BTRC: variants seen among roughly 807,000 people sequenced by gnomAD.
BTRC encodes F-box/WD repeat-containing protein 1A.
In BTRC, 42 loss-of-function variants were observed where a neutral mutation model predicts 85.5. The ratio of observed to expected loss-of-function variants is 0.49; its 90% CI spans 0.38 to 0.64. The LOEUF (loss-of-function observed/expected upper bound fraction) is 0.64, where lower values mean the gene tolerates loss of function less well. BTRC is among the 30% of genes least tolerant of loss of function. The pLI, the probability that BTRC is intolerant of heterozygous loss-of-function variation, is 0.00. For missense variants in BTRC, 594 were observed against 743.5 expected, an observed-to-expected ratio of 0.80 and a Z score of 2.34; for synonymous variants, 255 against 263.3, an observed-to-expected ratio of 0.97 and a Z score of 0.30.
intron 1 of BTRC, among the ~76,000 whole-genome samples, chr10:101,419,302 C>T (rs532058789): frequency 3.9e-5 from 6 of 152,244 alleles, no homozygotes; most frequent in East Asian, 1.9e-4. Flanking sequence ...TGAACCACTT[C>T]GTCTGGCCAG....
chr10:101,435,520 A>G (rs1352143482), intron 2 of BTRC, among the ~76,000 whole-genome samples: 1 of 152,192 alleles, frequency 6.6e-6, no homozygotes, highest in Non-Finnish European at 1.5e-5. Context: ...CATGTTACGT[A>G]TATCAGTAGT....
chr10:101,535,808 C>T (rs2062376948), intron 11 of BTRC, among the ~76,000 whole-genome samples: 1 of 152,136 alleles, frequency 6.6e-6, no homozygotes, highest in African/African-American at 2.4e-5. Flanking sequence ...CATAATTGGC[C>T]AGAGAGTTAC....
At chr10:101,515,747 G>A (rs1371214934) in intron 4 of BTRC, among the ~76,000 whole-genome samples, 4 of 152,110 alleles carry the variant, frequency 2.6e-5, no homozygotes, top group Admixed American at 2.0e-4. Context: ...TCCTGACCTC[G>A]TGATCCGCCC....
At chr10:101,438,452 T>TAAAAAA (rs1944594980) in intron 2 of BTRC, among the ~76,000 whole-genome samples, 1 of 84,626 alleles carries the variant, frequency 1.2e-5, no homozygotes, top group Non-Finnish European at 2.5e-5. Context: ...AAAAAAAAAG[T>TAAAAAA]CTTCTCATTA....
chr10:101,491,057 T>G (rs1384515824), intron 4 of BTRC, among the ~76,000 whole-genome samples: 2 of 15,678 alleles, frequency 1.3e-4, no homozygotes, highest in African/African-American at 2.0e-4. Context: ...AGACTCTGTC[T>G]CAAAAAAAAA....
At chr10:101,458,059 G>A (rs754874015) in intron 2 of BTRC, among the ~76,000 whole-genome samples, 5 of 152,082 alleles carry the variant, frequency 3.3e-5, no homozygotes, top group Non-Finnish European at 5.9e-5. Flanking sequence ...GTTTCAGTGC[G>A]TGTTTCCAGA....
intron 1 of BTRC, among the ~76,000 whole-genome samples, chr10:101,373,556 G>T (rs1274307704): frequency 6.6e-6 from 1 of 152,138 alleles, no homozygotes; most frequent in Non-Finnish European, 1.5e-5. Flanking sequence ...TGTTTGGTGG[G>T]TGAAGATATT....
chr10:101,366,303 C>A (rs1171908571), intron 1 of BTRC, among the ~76,000 whole-genome samples: 1 of 151,276 alleles, frequency 6.6e-6, no homozygotes, highest in East Asian at 1.9e-4. Flanking sequence ...AGCATTGTTA[C>A]ATATAGGGGA....
intron 7 of BTRC, 81 bp from the exon 8 acceptor site, chr10:101,532,214 C>G: frequency 2.8e-6 from 4 of 1,439,512 alleles, no homozygotes; most frequent in Non-Finnish European, 2.8e-6. Context: ...AGCATTGAGC[C>G]ATTGATTGTC....
At chr10:101,388,751 A>G (rs1159311386) in intron 1 of BTRC, among the ~76,000 whole-genome samples, 4 of 152,202 alleles carry the variant, frequency 2.6e-5, no homozygotes, top group Admixed American at 1.3e-4. Flanking sequence ...TCAGCCTCTC[A>G]AAGTGCTGGG....
At chr10:101,504,809 ACTTCT>A (rs1279218904) in intron 4 of BTRC, among the ~76,000 whole-genome samples, 1 of 151,510 alleles carries the variant, frequency 6.6e-6, no homozygotes, top group Admixed American at 6.6e-5. Flanking sequence ...TCAGATCTTG[ACTTCT>A]CTAACAGCAA....
In BTRC at chr10:101,521,626, C is replaced by T; in HGVS notation, c.325-13C>T. 5 of 1,586,556 alleles carry T rather than the reference C, an allele frequency of 3.2e-6. No homozygotes were observed. In the South Asian group the frequency reaches 5.6e-5, roughly 18 times the overall value. ...ACTAATCATTTTATGTTTCTTTTAA[C>T]CCCCTTCTACAGACAAAACTTGCCA... On this transcript the variant is annotated splice_polypyrimidine_tract_variant and intron_variant, in intron 4 of 14. Coordinates refer to ENST00000370187, the MANE Select transcript of BTRC (RefSeq NM_033637.4).
At chr10:101,421,806 C>G (rs993858982) in intron 1 of BTRC, among the ~76,000 whole-genome samples, 1 of 151,798 alleles carries the variant, frequency 6.6e-6, no homozygotes, top group African/African-American at 2.4e-5. Flanking sequence ...TGAACTTATC[C>G]TTTTTTATGG....
chr10:101,354,091 G>C (rs1293908900), upstream of BTRC: 5 of 1,439,626 alleles, frequency 3.5e-6, no homozygotes, highest in African/African-American at 7.1e-5. Flanking sequence ...GGGGAAGGAA[G>C]AGGAGGCGGG....
chr10:101,408,192 G>A (rs1252927543), intron 1 of BTRC, among the ~76,000 whole-genome samples: 1 of 152,056 alleles, frequency 6.6e-6, no homozygotes, highest in Admixed American at 6.5e-5. Context: ...TTATTGTATT[G>A]GAGAGTATGT....
At chr10:101,410,506 T>C (rs1943746609) in intron 1 of BTRC, among the ~76,000 whole-genome samples, 2 of 151,966 alleles carry the variant, frequency 1.3e-5, no homozygotes. Context: ...TCCCAGCTGC[T>C]TGGAGGCTGA....
chr10:101,421,836 G>A (rs1274407052), intron 1 of BTRC, among the ~76,000 whole-genome samples: 7 of 151,930 alleles, frequency 4.6e-5, no homozygotes, highest in Non-Finnish European at 1.0e-4. Flanking sequence ...ATTCCATGGT[G>A]TATATGTGCC....
At chr10:101,460,790 A>G (rs1945203072) in intron 2 of BTRC, among the ~76,000 whole-genome samples, 1 of 152,208 alleles carries the variant, frequency 6.6e-6, no homozygotes, top group African/African-American at 2.4e-5. Context: ...TTGTATGAAA[A>G]TTTTCAGATA....
At chr10:101,372,291 C>G (rs906441353) in intron 1 of BTRC, among the ~76,000 whole-genome samples, 2 of 149,264 alleles carry the variant, frequency 1.3e-5, no homozygotes, top group African/African-American at 4.9e-5. Flanking sequence ...GAGTTTCGCT[C>G]TTTCACTCAG....
Sources: gnomAD v4.1 joint callset for allele counts (sites outside exome capture counted in the v4.1 genomes callset) on GRCh38, gnomAD v4.1.1 for gene constraint, MANE v1.5 for transcripts, NCBI Gene and HGNC (gene_info 2026-07-23, HGNC 2026-07-21) for gene names.